The following RANBP9 variants were observed in gnomAD, a reference collection of about 807,000 sequenced individuals.
RANBP9 encodes the protein RAN binding protein 9, also known as ran-binding protein 9.
RANBP9 carries 15 observed loss-of-function variants against 84.3 expected under a neutral mutation model. That is an observed-to-expected ratio of 0.18 (90% CI 0.12 to 0.27). The LOEUF (loss-of-function observed/expected upper bound fraction) is 0.27. RANBP9 is among the 10% of genes least tolerant of loss of function. The pLI, the probability that RANBP9 is intolerant of heterozygous loss-of-function variation, is 1.00. For missense variants in RANBP9, 809 were observed against 912.8 expected, an observed-to-expected ratio of 0.89 and a Z score of 1.46; for synonymous variants, 392 against 349.6, an observed-to-expected ratio of 1.12 and a Z score of -1.35.
intron 12 of RANBP9, among the ~76,000 whole-genome samples, chr6:13,626,825 CTAGT>C (rs1764619764): frequency 6.6e-6 from 1 of 152,148 alleles, no homozygotes; most frequent in African/African-American, 2.4e-5. Flanking sequence ...CATCATTTCT[CTAGT>C]TATCTTACTA....
chr6:13,692,923 A>G (rs962199418), intron 2 of RANBP9, among the ~76,000 whole-genome samples: 5 of 152,222 alleles, frequency 3.3e-5, no homozygotes, highest in Non-Finnish European at 5.9e-5. Context: ...TAATCCATTC[A>G]TTTATTCATA....
At chr6:13,701,710 C>T (rs1757976863) in intron 1 of RANBP9, among the ~76,000 whole-genome samples, 1 of 151,408 alleles carries the variant, frequency 6.6e-6, no homozygotes, top group Non-Finnish European at 1.5e-5. Flanking sequence ...GCAGAGATTG[C>T]AGTGACCCGA....
intron 8 of RANBP9, among the ~76,000 whole-genome samples, chr6:13,640,980 A>G (rs1030787918): frequency 4.6e-5 from 7 of 152,216 alleles, no homozygotes; most frequent in Non-Finnish European, 1.0e-4. Flanking sequence ...CATAAATAGA[A>G]TAATAAAAGC....
chr6:13,695,289 T>A (rs1766415219), intron 2 of RANBP9, among the ~76,000 whole-genome samples: 1 of 151,792 alleles, frequency 6.6e-6, no homozygotes, highest in Non-Finnish European at 1.5e-5. Flanking sequence ...TGAGAGTAAT[T>A]CAGCAGATAA....
At chr6:13,632,567 T>A in intron 11 of RANBP9, 46 bp from the exon 12 acceptor site, 1 of 1,533,424 alleles carries the variant, frequency 6.5e-7, no homozygotes, top group Non-Finnish European at 9.0e-7. Context: ...TGGAATGGAG[T>A]ATAATGAGGA....
At chr6:13,633,359 T>C (rs758884030) in intron 11 of RANBP9, among the ~76,000 whole-genome samples, 23 of 152,228 alleles carry the variant, frequency 1.5e-4, no homozygotes, top group African/African-American at 5.3e-4. Context: ...TATATCTTGA[T>C]TGATAAAATA....
chr6:13,692,283 C>CGATT (rs1292827929), intron 2 of RANBP9, among the ~76,000 whole-genome samples: 2 of 152,026 alleles, frequency 1.3e-5, no homozygotes, highest in Admixed American at 1.3e-4. Flanking sequence ...CACCTATAAT[C>CGATT]CCAGCACTTT....
intron 1 of RANBP9, among the ~76,000 whole-genome samples, chr6:13,709,852 T>C (rs1338539260): frequency 6.6e-6 from 1 of 152,224 alleles, no homozygotes; most frequent in Non-Finnish European, 1.5e-5. Context: ...TTATCTCCTC[T>C]ACATACATGT....
chr6:13,654,850 G>C (rs1765365259), intron 4 of RANBP9, among the ~76,000 whole-genome samples: 1 of 152,160 alleles, frequency 6.6e-6, no homozygotes, highest in African/African-American at 2.4e-5. Flanking sequence ...GTGGATCCCA[G>C]GAACCTAGCT....
chr6:13,687,026 A>G (rs938312093), intron 2 of RANBP9, among the ~76,000 whole-genome samples: 2 of 152,192 alleles, frequency 1.3e-5, no homozygotes, highest in African/African-American at 4.8e-5. Context: ...ACAAGAAGAA[A>G]TTGTTTTAAA....
intron 11 of RANBP9, 92 bp downstream of exon 11, chr6:13,634,339 T>C: frequency 6.9e-7 from 1 of 1,447,726 alleles, no homozygotes; most frequent in Non-Finnish European, 9.4e-7. Flanking sequence ...TTAAATCTGG[T>C]TTATGCTCAT....
intron 1 of RANBP9, among the ~76,000 whole-genome samples, chr6:13,704,839 T>C (rs1209262565): frequency 1.3e-5 from 2 of 152,072 alleles, no homozygotes; most frequent in Non-Finnish European, 2.9e-5. Context: ...CCTCGACTCC[T>C]CCAAGAAGCT....
chr6:13,681,414 C>T (rs1488665577), intron 2 of RANBP9, among the ~76,000 whole-genome samples: 1 of 151,990 alleles, frequency 6.6e-6, no homozygotes, highest in Non-Finnish European at 1.5e-5. Flanking sequence ...ATCAATAATA[C>T]ATTTTAAGTG....
chr6:13,627,630 C>CAAAAA lies in RANBP9; in HGVS notation c.1948-1871_1948-1867dup, dbSNP rs35401168. ...GGACGACAGAGAGAGACTCCATCTC[C>CAAAAA]AAAAAAAAAAAAAAAAAAAAAAAAT... On this transcript the variant is annotated intron_variant, in intron 12 of 13. Coordinates refer to ENST00000011619, the MANE Select transcript of RANBP9 (RefSeq NM_005493.3). Among the ~76,000 whole-genome samples, 80 of 66,396 alleles carry CAAAAA rather than the reference C, an allele frequency of 1.2e-3. 1 individual carries two copies. Among genetic ancestry groups the CAAAAA allele is most frequent in the African/African-American group, 1.4e-3 (24 of 17,014 alleles). The allele number at this position is 66,396 out of a possible 152,430, so 43.6% of individuals were successfully genotyped here. A position where few individuals can be genotyped will look rare whatever the true frequency, so the allele number is the denominator to read the frequency against.
At chr6:13,678,623 C>T (rs1183614007) in intron 2 of RANBP9, among the ~76,000 whole-genome samples, 1 of 152,126 alleles carries the variant, frequency 6.6e-6, no homozygotes, top group East Asian at 1.9e-4. Flanking sequence ...AGGAATCATC[C>T]AAACTCTTCA....
chr6:13,703,030 T>G lies in RANBP9; in HGVS notation c.572-6134A>C, dbSNP rs573575492. On this transcript the variant is annotated intron_variant, in intron 1 of 13. Coordinates refer to ENST00000011619, the MANE Select transcript of RANBP9 (RefSeq NM_005493.3). ...TTCTAGGGAAGGTGGGGAGGCTGTT[T>G]GAGACAGTGTCTCATTCTGTTGCCC... is the stretch of plus-strand genomic sequence containing the variant. Among the ~76,000 whole-genome samples the G allele has an allele frequency of 1.4e-4, 22 of 152,332 alleles. No homozygotes were observed. In the South Asian group the frequency reaches 2.9e-3, roughly 20 times the overall value.
intron 13 of RANBP9, among the ~76,000 whole-genome samples, chr6:13,623,725 T>TAAAC (rs1764523461): frequency 6.6e-6 from 1 of 152,284 alleles, no homozygotes; most frequent in East Asian, 1.9e-4. Flanking sequence ...ATGGTATTTA[T>TAAAC]AAACATATAC....
intron 13 of RANBP9, 143 bp downstream of exon 13, chr6:13,625,510 T>C: frequency 4.2e-6 from 2 of 480,180 alleles, no homozygotes; most frequent in South Asian, 6.7e-5. Context: ...AGGGGGTTTC[T>C]ATATTTTAGG....
chr6:13,632,118 C>CTTTTTTTT (rs752500098), intron 12 of RANBP9, among the ~76,000 whole-genome samples: 2 of 74,922 alleles, frequency 2.7e-5, no homozygotes, highest in African/African-American at 4.8e-5. Flanking sequence ...GGATTTAATC[C>CTTTTTTTT]TTTTTTTTTT....
Sources: gnomAD v4.1 joint callset for allele counts (sites outside exome capture counted in the v4.1 genomes callset) on GRCh38, gnomAD v4.1.1 for gene constraint, MANE v1.5 for transcripts, NCBI Gene and HGNC (gene_info 2026-07-23, HGNC 2026-07-21) for gene names.